KAZN: variants seen among roughly 807,000 people sequenced by gnomAD.
KAZN encodes the protein kazrin, periplakin interacting protein.
In KAZN, 40 loss-of-function variants were observed where a neutral mutation model predicts 87.4. The ratio of observed to expected loss-of-function variants is 0.46; its 90% confidence interval spans 0.36 to 0.60. KAZN has a LOEUF of 0.60. KAZN is among the 20% of genes least tolerant of loss of function. The pLI, the probability that KAZN is intolerant of heterozygous loss-of-function variation, is 0.00. For missense variants in KAZN, 898 were observed against 1,073.9 expected (o/e 0.84, Z 2.29); for synonymous variants, 466 against 458.3 (o/e 1.02, Z -0.22).
chr1:14,366,955 G>C (rs1660051896), intron 2 of KAZN, among the ~76,000 whole-genome samples: 1 of 152,216 alleles, frequency 6.6e-6, no homozygotes, highest in Admixed American at 6.5e-5. Context: ...TGGCTAGCCG[G>C]GCACAGTGGC....
chr1:14,695,790 C>T (rs558665665), intron 1 of KAZN, among the ~76,000 whole-genome samples: 1 of 152,108 alleles, frequency 6.6e-6, no homozygotes, highest in South Asian at 2.1e-4. Flanking sequence ...AGGCATGAGC[C>T]ACCGTGCCCG....
intron 1 of KAZN, among the ~76,000 whole-genome samples, chr1:14,926,981 C>T (rs368725879): frequency 4.6e-5 from 7 of 152,232 alleles, no homozygotes; most frequent in African/African-American, 1.2e-4. Context: ...GTCCTGAGAT[C>T]GGCAGGTGAT....
At chr1:14,145,352 G>A (rs914542398) in intron 1 of KAZN, among the ~76,000 whole-genome samples, 2 of 152,098 alleles carry the variant, frequency 1.3e-5, no homozygotes, top group African/African-American at 4.8e-5. Flanking sequence ...GCTGAGGTGG[G>A]AGGATCGCTT....
At chr1:14,448,036 C>T (rs1323876112) in intron 2 of KAZN, among the ~76,000 whole-genome samples, 2 of 152,178 alleles carry the variant, frequency 1.3e-5, no homozygotes, top group African/African-American at 4.8e-5. Context: ...AAACAGGATA[C>T]CCACTCAGAA....
Position 15,044,026 on chromosome 1 carries a change from A to G in KAZN, c.593A>G (p.Lys198Arg). Reference protein sequence around the residue: ...EDAVKALAKEKDLLEREKWEL... With the variant: ...EDAVKALAKERDLLEREKWEL... ...GCGGTCAAAGCGCTGGCCAAGGAGA[A>G]GGACCTGCTGGAGCGTGAGAAGTGG... Residue 198 changes from lysine to arginine, a missense_variant, in exon 4 of 15, where the codon AAG (lysine) becomes AGG (arginine). Transcript: ENST00000376030. The G allele has an allele frequency of 6.2e-7, 1 of 1,612,222 alleles. No homozygotes were observed. The highest frequency in any genetic ancestry group is 8.5e-7 in the Non-Finnish European group (1 of 1,179,694).
intron 2 of KAZN, among the ~76,000 whole-genome samples, chr1:14,217,757 T>C (rs1012238969): frequency 6.6e-6 from 1 of 152,104 alleles, no homozygotes; most frequent in African/African-American, 2.4e-5. Context: ...AATAAAACTA[T>C]TAGACTTTGA....
chr1:14,294,398 C>T (rs1405909125), intron 2 of KAZN, among the ~76,000 whole-genome samples: 2 of 152,082 alleles, frequency 1.3e-5, no homozygotes, highest in Non-Finnish European at 2.9e-5. Context: ...AAACACTAAT[C>T]GCTTCTGTCA....
chr1:14,897,053 G>A (rs944680945), intron 1 of KAZN, among the ~76,000 whole-genome samples: 1 of 152,200 alleles, frequency 6.6e-6, no homozygotes, highest in Non-Finnish European at 1.5e-5. Flanking sequence ...TGTACTTGCA[G>A]ATGTAGGTTG....
At chr1:14,515,236 C>T (rs1266481078) in intron 2 of KAZN, among the ~76,000 whole-genome samples, 2 of 152,148 alleles carry the variant, frequency 1.3e-5, no homozygotes, top group Non-Finnish European at 2.9e-5. Context: ...TTAAAGCCCC[C>T]GACACACCCA....
chr1:14,502,194 G>T (rs1031043151), intron 2 of KAZN, among the ~76,000 whole-genome samples: 3 of 151,942 alleles, frequency 2.0e-5, no homozygotes, highest in African/African-American at 7.3e-5. Flanking sequence ...TCGTGGGTCT[G>T]TTCCAGTATG....
At chr1:14,124,959 A>C (rs1205171004) in intron 1 of KAZN, among the ~76,000 whole-genome samples, 4 of 152,176 alleles carry the variant, frequency 2.6e-5, no homozygotes, top group Non-Finnish European at 2.9e-5. Flanking sequence ...CTTCCCATTG[A>C]GACGCGGCTC....
At chr1:14,634,241 C>T (rs1679795752) in intron 1 of KAZN, among the ~76,000 whole-genome samples, 1 of 152,170 alleles carries the variant, frequency 6.6e-6, no homozygotes, top group Admixed American at 6.5e-5. Flanking sequence ...CTATTCCTTC[C>T]CCAAGAACCC....
At chr1:14,988,047 G>A (rs146454573) in intron 2 of KAZN, among the ~76,000 whole-genome samples, 3 of 152,218 alleles carry the variant, frequency 2.0e-5, no homozygotes, top group African/African-American at 4.8e-5. Flanking sequence ...TAGACAGGGA[G>A]TGATGGGATC....
intron 1 of KAZN, among the ~76,000 whole-genome samples, chr1:14,627,169 A>ATG (rs1225018912): frequency 1.3e-5 from 2 of 150,668 alleles, no homozygotes; most frequent in Admixed American, 1.3e-4. Flanking sequence ...GCTTGTTTTG[A>ATG]TGGGGGCATC....
intron 1 of KAZN, among the ~76,000 whole-genome samples, chr1:14,768,633 T>A (rs1462225876): frequency 1.3e-5 from 2 of 152,212 alleles, no homozygotes; most frequent in Non-Finnish European, 2.9e-5. Context: ...GTTTGAGCAT[T>A]TGCTATTAGA....
At chr1:14,067,926 G>A (rs1156339484) in intron 1 of KAZN, among the ~76,000 whole-genome samples, 1 of 152,142 alleles carries the variant, frequency 6.6e-6, no homozygotes. Context: ...AGAAAGAGAG[G>A]TTTTCATTCA....
intron 2 of KAZN, among the ~76,000 whole-genome samples, chr1:14,542,016 G>A (rs1324226024): frequency 6.6e-6 from 1 of 152,070 alleles, no homozygotes; most frequent in East Asian, 1.9e-4. Flanking sequence ...CCTCCAAAAA[G>A]CAGAGTTTGA....
At chr1:14,448,033 A>T (rs929514159) in intron 2 of KAZN, among the ~76,000 whole-genome samples, 2 of 152,208 alleles carry the variant, frequency 1.3e-5, no homozygotes, top group African/African-American at 4.8e-5. Context: ...AGTAAACAGG[A>T]TACCCACTCA....
intron 2 of KAZN, among the ~76,000 whole-genome samples, chr1:14,220,886 A>T (rs1647081171): frequency 6.6e-6 from 1 of 152,142 alleles, no homozygotes; most frequent in South Asian, 2.1e-4. Flanking sequence ...TTAAGAAAAA[A>T]GATTTATTAC....
Sources: allele counts gnomAD v4.1 joint callset (sites outside exome capture counted in the v4.1 genomes callset), GRCh38; gene constraint gnomAD v4.1.1; transcripts MANE v1.5; gene names NCBI Gene and HGNC (gene_info 2026-07-23, HGNC 2026-07-21).